CCNY: variants seen among roughly 807,000 people sequenced by gnomAD.
The protein encoded by CCNY is cyclin Y.
A neutral mutation model predicts 42.8 loss-of-function variants in CCNY; 19 were observed. The ratio of observed to expected loss-of-function variants is 0.44; its 90% confidence interval spans 0.31 to 0.65. CCNY has a LOEUF of 0.65. Ranked by LOEUF, CCNY falls within the 30% of genes least tolerant of loss-of-function variation. The probability of loss-of-function intolerance (pLI) is 0.07; values close to 1 mark genes in which losing one functional copy is unlikely to be tolerated. For missense variants in CCNY, 370 were observed against 437.3 expected (o/e 0.85, Z 1.37); for synonymous variants, 165 against 162.7 (o/e 1.01, Z -0.11).
In CCNY at chr10:35,359,585, C is replaced by T. The variant is rs1007555403; in HGVS notation, c.154+22378C>T. On this transcript the variant is annotated intron_variant, in intron 1 of 9. Transcript: ENST00000374704. Reference sequence around the variant, plus strand: ...TAAACTTCTGAGCTGAAGCGATCTGCGCGCCTTGGCCTTCCAAAGTGCTGG... The same window carrying T: ...TAAACTTCTGAGCTGAAGCGATCTGTGCGCCTTGGCCTTCCAAAGTGCTGG... Among the ~76,000 whole-genome samples, 6 of 152,040 alleles carry T rather than the reference C, an allele frequency of 3.9e-5. No individual in the cohort carries two copies. In the South Asian group the frequency reaches 8.3e-4, roughly 21 times the overall value.
intron 9 of CCNY, among the ~76,000 whole-genome samples, chr10:35,568,748 C>G (rs2135469039): frequency 6.6e-6 from 1 of 152,344 alleles, no homozygotes; most frequent in Non-Finnish European, 1.5e-5. Flanking sequence ...TGGGTGGGGC[C>G]CGTCCCACAC....
intron 3 of CCNY, among the ~76,000 whole-genome samples, chr10:35,257,210 T>TCC (rs1269108685): frequency 1.2e-5 from 1 of 84,558 alleles, no homozygotes; most frequent in African/African-American, 5.9e-5. Flanking sequence ...TTTCTTTTCT[T>TCC]TTCTCCTCCC....
chr10:35,540,653 T>G (rs1169240426), intron 7 of CCNY, among the ~76,000 whole-genome samples: 1 of 152,134 alleles, frequency 6.6e-6, no homozygotes, highest in East Asian at 1.9e-4. Flanking sequence ...TGGTCAGGGT[T>G]TTTCTCTGTT....
intron 3 of CCNY, among the ~76,000 whole-genome samples, chr10:35,318,895 T>C: frequency 6.6e-6 from 1 of 152,042 alleles, no homozygotes; most frequent in Non-Finnish European, 1.5e-5. Flanking sequence ...GTGGTCTCAC[T>C]CTGTTACCCA....
intron 1 of CCNY, among the ~76,000 whole-genome samples, chr10:35,478,369 C>T (rs1478460469): frequency 3.3e-5 from 5 of 151,798 alleles, no homozygotes; most frequent in African/African-American, 1.2e-4. Flanking sequence ...GGAGGCATCA[C>T]ACTACCTGAC....
At chr10:35,523,391 T>C (rs1840588391) in intron 4 of CCNY, among the ~76,000 whole-genome samples, 2 of 152,186 alleles carry the variant, frequency 1.3e-5, no homozygotes, top group Admixed American at 1.3e-4. Context: ...AGAGACTGTG[T>C]GTAGAGTGAA....
intron 3 of CCNY, among the ~76,000 whole-genome samples, chr10:35,255,805 G>A (rs983830894): frequency 6.6e-6 from 1 of 151,824 alleles, no homozygotes; most frequent in African/African-American, 2.4e-5. Flanking sequence ...ATGTTGCCCA[G>A]ACCGGTCTCG....
At chr10:35,307,881 A>G (rs1835633050) in intron 3 of CCNY, among the ~76,000 whole-genome samples, 1 of 144,154 alleles carries the variant, frequency 6.9e-6, no homozygotes, top group African/African-American at 2.6e-5. Flanking sequence ...GCAATGGCGC[A>G]ATCTTGGCTC....
chr10:35,327,597 C>A (rs1174153838), intron 3 of CCNY: 1 of 152,146 alleles, frequency 6.6e-6, no homozygotes, highest in Non-Finnish European at 1.5e-5. Context: ...TTTCCTTCTG[C>A]TACTGTATTT....
intron 1 of CCNY, among the ~76,000 whole-genome samples, chr10:35,443,309 A>G (rs1408900632): frequency 1.3e-5 from 2 of 152,218 alleles, no homozygotes; most frequent in Non-Finnish European, 2.9e-5. Flanking sequence ...TAAACTTTAA[A>G]TTTTTAAAAC....
At chr10:35,393,535 C>A (rs374895676) in intron 1 of CCNY, among the ~76,000 whole-genome samples, 2 of 152,180 alleles carry the variant, frequency 1.3e-5, no homozygotes. Context: ...GGAGACTTTG[C>A]GTGAAGGCTG....
chr10:35,464,971 C>G (rs538096055), intron 1 of CCNY, among the ~76,000 whole-genome samples: 10 of 152,308 alleles, frequency 6.6e-5, no homozygotes, highest in African/African-American at 2.2e-4. Context: ...AAAATATCAG[C>G]AATCCAAGTG....
chr10:35,259,804 AC>A (rs1167419709), intron 3 of CCNY, among the ~76,000 whole-genome samples: 2 of 149,456 alleles, frequency 1.3e-5, no homozygotes, highest in Admixed American at 6.8e-5. Context: ...GAGCCACTGG[AC>A]CCAGCCCCAG....
At chr10:35,487,876 C>T (rs1283619641) in intron 2 of CCNY, among the ~76,000 whole-genome samples, 1 of 152,122 alleles carries the variant, frequency 6.6e-6, no homozygotes, top group Non-Finnish European at 1.5e-5. Flanking sequence ...GTTGCGAGAC[C>T]TGCCATGGTT....
At position 35,530,806 on chromosome 10, in the gene CCNY, T is replaced by G. The variant is rs1266637797; in HGVS notation, c.579+563T>G. On this transcript the variant is annotated intron_variant, in intron 7 of 9. Coordinates refer to ENST00000374704, the MANE Select transcript of CCNY (RefSeq NM_145012.6). This position sits in a 1 kb window ranked among gnomAD's most constrained non-coding sequence, Gnocchi z 4.3. ...TGTTTTTACAGCTGGGCTCCATGGC[T>G]CACGTCAGTAATTTCAGCACTTTGG... 6.6e-6 allele frequency among the ~76,000 whole-genome samples: 1 copy of G among 152,194 alleles called. No individual in the cohort carries two copies. The highest frequency in any genetic ancestry group is 1.9e-4 in the East Asian group (1 of 5,186).
At chr10:35,363,127 A>G (rs2504357) in intron 1 of CCNY, among the ~76,000 whole-genome samples, 11,905 of 132,340 alleles carry the variant, frequency 0.09, 850 homozygotes, top group African/African-American at 0.22. Context: ...CGGCAGAGGC[A>G]CTCCTCACTT....
At chr10:35,349,815 G>C (rs545534936) in intron 1 of CCNY, among the ~76,000 whole-genome samples, 1 of 152,244 alleles carries the variant, frequency 6.6e-6, no homozygotes, top group Admixed American at 6.5e-5. Context: ...TTCCAGATGT[G>C]GCCAAATGAA....
intron 1 of CCNY, among the ~76,000 whole-genome samples, chr10:35,343,666 A>G (rs1046429550): frequency 6.6e-6 from 1 of 152,178 alleles, no homozygotes; most frequent in African/African-American, 2.4e-5. Flanking sequence ...CTGGGATTAT[A>G]GGTGTGAGCC....
intron 2 of CCNY, among the ~76,000 whole-genome samples, chr10:35,492,634 TG>T (rs1839923134): frequency 6.6e-6 from 1 of 152,240 alleles, no homozygotes; most frequent in South Asian, 2.1e-4. Context: ...ATAGGAACTG[TG>T]CCTTTCACAT....
Sources: gnomAD v4.1 joint callset for allele counts (sites outside exome capture counted in the v4.1 genomes callset) on GRCh38, gnomAD v4.1.1 for gene constraint, Gnocchi (gnomAD v3.1) non-coding constraint, MANE v1.5 for transcripts, NCBI Gene and HGNC (gene_info 2026-07-23, HGNC 2026-07-21) for gene names.